Variants in PRKCB observed in about 807,000 individuals in gnomAD.
PRKCB encodes protein kinase C beta type.
A neutral mutation model predicts 81.5 loss-of-function variants in PRKCB; 13 were observed. The observed-to-expected ratio is 0.16, with a 90% CI of 0.10 to 0.25. PRKCB has a LOEUF of 0.25. PRKCB is among the 10% of genes least tolerant of loss of function. The pLI is 1.00. For synonymous variants in PRKCB, 335 were observed against 321.4 expected (o/e 1.04, Z -0.45); for missense variants, 509 against 875.7 (o/e 0.58, Z 5.29).
At chr16:23,866,282 T>A (rs943818032) in intron 2 of PRKCB, among the ~76,000 whole-genome samples, 16 of 152,182 alleles carry the variant, frequency 1.1e-4, no homozygotes, top group Non-Finnish European at 1.9e-4. Context: ...TTTATCCCCA[T>A]ACACGTATCT....
chr16:23,893,746 C>A (rs1963330402), intron 2 of PRKCB: 1 of 152,158 alleles, frequency 6.6e-6, no homozygotes, highest in Non-Finnish European at 1.5e-5. Context: ...AAATCTTTTT[C>A]CACAAAAGGA....
At chr16:23,864,229 C>T (rs1962733764) in intron 2 of PRKCB, among the ~76,000 whole-genome samples, 1 of 152,186 alleles carries the variant, frequency 6.6e-6, no homozygotes, top group South Asian at 2.1e-4. Flanking sequence ...TGAGCTCTCC[C>T]ACCCTCAGGT....
At chr16:24,094,326 C>T (rs546408695) in intron 7 of PRKCB, 29 bp downstream of exon 7, 2 of 1,610,088 alleles carry the variant, frequency 1.2e-6, no homozygotes, top group Non-Finnish European at 1.7e-6. Context: ...TGAAAGCTAC[C>T]ATACAGCTTG....
At chr16:23,874,568 C>CTTT (rs58560122) in intron 2 of PRKCB, among the ~76,000 whole-genome samples, 26,925 of 132,534 alleles carry the variant, frequency 0.2, 2,898 homozygotes, top group South Asian at 0.34. Context: ...ATTCTTCTCT[C>CTTT]TTTTTTTTTT....
intron 2 of PRKCB, among the ~76,000 whole-genome samples, chr16:23,904,101 A>G (rs910052215): frequency 1.3e-5 from 2 of 152,106 alleles, no homozygotes; most frequent in Non-Finnish European, 2.9e-5. Context: ...AGATTCCCTC[A>G]TGAGCTATAA....
intron 2 of PRKCB, among the ~76,000 whole-genome samples, chr16:23,902,244 T>C (rs948394674): frequency 6.6e-6 from 1 of 152,088 alleles, no homozygotes; most frequent in Non-Finnish European, 1.5e-5. Flanking sequence ...AAGAAGACAA[T>C]GAAAAAACAT....
intron 2 of PRKCB, among the ~76,000 whole-genome samples, chr16:23,926,657 ATATG>A (rs1963901199): frequency 6.6e-6 from 1 of 150,630 alleles, no homozygotes; most frequent in South Asian, 2.1e-4. Context: ...ACACACAATG[ATATG>A]TATATTAATA....
Position 23,875,793 on chromosome 16 carries a change from C to CAT in PRKCB, c.205+38392_205+38393dup, listed in dbSNP as rs1204160149. ...CACACATATATGTGTGTATATCACACATATATGTGTGTATATCATATATAT... is the reference window on the plus strand; with the variant it reads ...CACACATATATGTGTGTATATCACACATATATATGTGTGTATATCATATATAT... On this transcript the variant is annotated intron_variant, in intron 2 of 16. Coordinates refer to ENST00000643927, the MANE Select transcript of PRKCB (RefSeq NM_002738.7). 8.4e-5 allele frequency among the ~76,000 whole-genome samples: 7 copies of CAT among 82,956 alleles called. 1 individual carries two copies. Among genetic ancestry groups the CAT allele is most frequent in the Admixed American group, 5.8e-4 (4 of 6,886 alleles). 54.4% of individuals were successfully genotyped at this position (82,956 alleles called of 152,430 possible). A position where few individuals can be genotyped will look rare whatever the true frequency, so the allele number is the denominator to read the frequency against.
chr16:24,035,069 C>G (rs1965596403), intron 4 of PRKCB, among the ~76,000 whole-genome samples: 1 of 152,206 alleles, frequency 6.6e-6, no homozygotes, highest in Non-Finnish European at 1.5e-5. Flanking sequence ...CCTGCCACCC[C>G]CTTAGCTTTC....
intron 5 of PRKCB, among the ~76,000 whole-genome samples, chr16:24,052,468 C>T (rs1249398462): frequency 6.6e-6 from 1 of 152,254 alleles, no homozygotes; most frequent in Non-Finnish European, 1.5e-5. Flanking sequence ...GGCTACTCCA[C>T]AGGCAGAGCA....
chr16:24,142,608 C>T (rs1052763258), intron 9 of PRKCB, among the ~76,000 whole-genome samples: 5 of 152,156 alleles, frequency 3.3e-5, no homozygotes, highest in Non-Finnish European at 7.3e-5. Context: ...GCCCAAGCAT[C>T]GGCTTCTAAA....
intron 5 of PRKCB, among the ~76,000 whole-genome samples, chr16:24,067,667 C>A (rs566458695): frequency 2.0e-5 from 3 of 152,046 alleles, no homozygotes; most frequent in Admixed American, 6.5e-5. Context: ...TGATTCCTTG[C>A]TAAATTAGAA....
In PRKCB at chr16:23,836,665, C is replaced by T. The variant is rs566794521; in HGVS notation, c.173+317C>T. Among the ~76,000 whole-genome samples the T allele has an allele frequency of 3.6e-3, 542 of 151,930 alleles. 2 individuals carry two copies. Among genetic ancestry groups the T allele is most frequent in the African/African-American group, 0.013 (525 of 41,468 alleles). On this transcript the variant is annotated intron_variant, in intron 1 of 16. Coordinates refer to ENST00000643927, the MANE Select transcript of PRKCB (RefSeq NM_002738.7). ...TGACTAGGAGCGCGCGGGGTCTGTGCCTGCCCTGGAGGGCAGCGCCTCGGG... is the reference window on the plus strand; with the variant it reads ...TGACTAGGAGCGCGCGGGGTCTGTGTCTGCCCTGGAGGGCAGCGCCTCGGG...
At chr16:23,940,095 AG>A (rs1185460402) in intron 2 of PRKCB, among the ~76,000 whole-genome samples, 4 of 152,240 alleles carry the variant, frequency 2.6e-5, no homozygotes, top group Non-Finnish European at 5.9e-5. Flanking sequence ...ACACATGAAA[AG>A]ATGTTCTACA....
At chr16:24,184,636 A>G (rs775498019) in intron 13 of PRKCB, among the ~76,000 whole-genome samples, 3 of 152,190 alleles carry the variant, frequency 2.0e-5, no homozygotes, top group Non-Finnish European at 4.4e-5. Context: ...TCATGTTATT[A>G]TCTCAGCTGA....
chr16:23,924,671 G>A (rs1199101502), intron 2 of PRKCB, among the ~76,000 whole-genome samples: 4 of 151,988 alleles, frequency 2.6e-5, no homozygotes, highest in Admixed American at 2.0e-4. Flanking sequence ...AAATTCAAAG[G>A]CTCCACGTAT....
At chr16:24,213,014 T>G (rs555594218) in intron 16 of PRKCB, among the ~76,000 whole-genome samples, 1 of 126,822 alleles carries the variant, frequency 7.9e-6, no homozygotes, top group Non-Finnish European at 1.8e-5. Flanking sequence ...GTATATTTAT[T>G]TATTTATTTA....
chr16:24,214,778 G>A lies in PRKCB; in HGVS notation c.1984G>A (p.Val662Ile). The change falls in exon 17 of 17, where the codon GTT (valine) becomes ATT (isoleucine). Residue 662 changes from valine to isoleucine, a missense_variant. Physicochemically the swap from Val to Ile is conservative, Grantham distance 29. Coordinates refer to ENST00000643927, the MANE Select transcript of PRKCB (RefSeq NM_002738.7). ...ATCAGAATTCGAAGGATTTTCCTTTGTTAACTCTGAATTTTTAAAACCCGA... is the reference window on the plus strand; with the variant it reads ...ATCAGAATTCGAAGGATTTTCCTTTATTAACTCTGAATTTTTAAAACCCGA... ...DQSEFEGFSF[V>I]NSEFLKPEVK... is the part of the protein sequence containing the mutation. 1 of 1,614,094 alleles carries A rather than the reference G, an allele frequency of 6.2e-7. No homozygotes were observed. Among genetic ancestry groups the A allele is most frequent in the South Asian group, 1.1e-5 (1 of 91,078 alleles).
chr16:24,069,469 G>A (rs888543296), intron 5 of PRKCB, among the ~76,000 whole-genome samples: 6 of 152,104 alleles, frequency 3.9e-5, no homozygotes, highest in Admixed American at 2.0e-4. Context: ...GGGTCTGAGC[G>A]TGGTGGCTCA....
Sources: allele counts gnomAD v4.1 joint callset (sites outside exome capture counted in the v4.1 genomes callset), GRCh38; gene constraint gnomAD v4.1.1; transcripts MANE v1.5; gene names NCBI Gene and HGNC (gene_info 2026-07-23, HGNC 2026-07-21).